Variants in FAM107B observed in about 807,000 individuals in gnomAD.
FAM107B encodes the protein protein FAM107B.
Under a neutral mutation model 31.5 loss-of-function variants are expected in FAM107B, and 21 were observed. That is an observed-to-expected ratio of 0.67 (90% CI 0.47 to 0.96). The LOEUF (loss-of-function observed/expected upper bound fraction) is 0.96. Ranked by LOEUF, FAM107B falls within the 40% of genes least tolerant of loss-of-function variation. The pLI is 0.00. For synonymous variants in FAM107B, 157 were observed against 141.5 expected, an observed-to-expected ratio of 1.11 and a Z score of -0.78; for missense variants, 452 against 377.1, an observed-to-expected ratio of 1.20 and a Z score of -1.64.
intron 2 of FAM107B, among the ~76,000 whole-genome samples, chr10:14,654,479 TTA>T (rs1204337321): frequency 6.6e-6 from 1 of 152,224 alleles, no homozygotes; most frequent in Non-Finnish European, 1.5e-5. Flanking sequence ...TTGCGTTTTA[TTA>T]TCTCTTGCTC....
At chr10:14,566,446 G>A (rs1333254712) in intron 2 of FAM107B, among the ~76,000 whole-genome samples, 1 of 152,144 alleles carries the variant, frequency 6.6e-6, no homozygotes, top group Admixed American at 6.5e-5. Context: ...ACAACTGCAG[G>A]GAAATGAATT....
chr10:14,625,698 T>C (rs558112115), intron 2 of FAM107B, among the ~76,000 whole-genome samples: 3 of 152,044 alleles, frequency 2.0e-5, no homozygotes, highest in Non-Finnish European at 4.4e-5. Flanking sequence ...GTCATTTTTA[T>C]GGTGAAATTC....
At chr10:14,543,691 T>TAAAAAAAAA (rs11318873) in intron 2 of FAM107B, among the ~76,000 whole-genome samples, 1 of 138,856 alleles carries the variant, frequency 7.2e-6, no homozygotes, top group Non-Finnish European at 1.5e-5. Context: ...CTAAAAACTT[T>TAAAAAAAAA]AAAAAAAAAA....
At chr10:14,548,549 C>G (rs1385714541) in intron 2 of FAM107B, 1 of 985,348 alleles carries the variant, frequency 1.0e-6, no homozygotes, top group African/African-American at 1.7e-5. Context: ...AACCTGGGCT[C>G]TTCTCCTAGC....
intron 2 of FAM107B, among the ~76,000 whole-genome samples, chr10:14,566,493 C>T (rs925740611): frequency 6.6e-6 from 1 of 152,154 alleles, no homozygotes; most frequent in African/African-American, 2.4e-5. Context: ...AACACTCTTC[C>T]TCAGTCGAGC....
At chr10:14,713,311 C>T (rs1417027839) in intron 1 of FAM107B, among the ~76,000 whole-genome samples, 1 of 152,118 alleles carries the variant, frequency 6.6e-6, no homozygotes, top group Non-Finnish European at 1.5e-5. Flanking sequence ...ACATAGAAAA[C>T]ATTCTGAAAA....
At chr10:14,544,073 C>T (rs946577662) in intron 2 of FAM107B, among the ~76,000 whole-genome samples, 15 of 152,068 alleles carry the variant, frequency 9.9e-5, no homozygotes, top group African/African-American at 3.6e-4. Context: ...CCAGGCACCC[C>T]GAGGAGAGAC....
chr10:14,651,874 C>G (rs1378374848), intron 2 of FAM107B, among the ~76,000 whole-genome samples: 1 of 151,960 alleles, frequency 6.6e-6, no homozygotes, highest in Admixed American at 6.6e-5. Flanking sequence ...ATAACCCAAA[C>G]CAGAGTGTGA....
intron 2 of FAM107B, among the ~76,000 whole-genome samples, chr10:14,548,063 A>G (rs1453132545): frequency 6.6e-6 from 1 of 152,184 alleles, no homozygotes; most frequent in African/African-American, 2.4e-5. Flanking sequence ...CGCAGGGAGG[A>G]CACCAAAAAC....
At chr10:14,665,788 C>T (rs1281751860) in intron 2 of FAM107B, among the ~76,000 whole-genome samples, 1 of 152,208 alleles carries the variant, frequency 6.6e-6, no homozygotes, top group Non-Finnish European at 1.5e-5. Flanking sequence ...CTTCCCAGTG[C>T]AAATTGAATT....
chr10:14,600,461 G>A (rs1198535934), intron 2 of FAM107B, among the ~76,000 whole-genome samples: 2 of 151,980 alleles, frequency 1.3e-5, no homozygotes, highest in Non-Finnish European at 2.9e-5. Context: ...CAGCTCCATG[G>A]CCCGCCGCAC....
intron 1 of FAM107B, among the ~76,000 whole-genome samples, chr10:14,705,023 C>CA (rs57922026): frequency 0.048 from 4,234 of 87,872 alleles, 291 homozygotes; most frequent in African/African-American, 0.1. Context: ...GACCCTGTCA[C>CA]AAAAAAAAAA....
At chr10:14,657,904 A>G (rs939071895) in intron 2 of FAM107B, among the ~76,000 whole-genome samples, 1 of 151,706 alleles carries the variant, frequency 6.6e-6, no homozygotes, top group Non-Finnish European at 1.5e-5. Context: ...TTGGCAGCCC[A>G]GACTCAAGAG....
At chr10:14,581,510 T>C (rs1057390554) in intron 2 of FAM107B, among the ~76,000 whole-genome samples, 2 of 152,186 alleles carry the variant, frequency 1.3e-5, no homozygotes, top group Admixed American at 6.5e-5. Context: ...TTCAGAGCCA[T>C]CCCTGCCACA....
intron 2 of FAM107B, chr10:14,604,401 C>A (rs1163819658): frequency 8.4e-6 from 2 of 238,770 alleles, no homozygotes; most frequent in Middle Eastern, 2.1e-3. Context: ...GGGCGGCTCT[C>A]GCTCCCCGCG....
intron 2 of FAM107B, among the ~76,000 whole-genome samples, chr10:14,665,539 C>G (rs1033233412): frequency 3.9e-5 from 6 of 152,172 alleles, no homozygotes; most frequent in African/African-American, 1.4e-4. Flanking sequence ...AAATTCAAAG[C>G]CTTTGAGTTG....
Position 14,722,930 on chromosome 10 carries a change from A to C in FAM107B, c.411+51323T>G, listed in dbSNP as rs77302710. Among the ~76,000 whole-genome samples, 524 of 152,150 alleles carry C rather than the reference A, an allele frequency of 3.4e-3. 12 individuals are homozygous for C. The East Asian group carries it at 0.046, about 13-fold the overall frequency. On this transcript the variant is annotated intron_variant, in intron 1 of 4. Transcript: ENST00000181796. ...AGACTTACTCCTATGTTTTCTTCTA[A>C]GATTGTATTGTCTTAGCTCTCATAT...
chr10:14,700,884 G>T (rs948454248), intron 1 of FAM107B, among the ~76,000 whole-genome samples: 1 of 141,336 alleles, frequency 7.1e-6, no homozygotes, highest in East Asian at 2.1e-4. Context: ...GTAGAGCTAT[G>T]CTCACTTATA....
Position 14,628,112 on chromosome 10 carries a change from G to GTTTTTTTTTGTTTTTTTTTTTTT in FAM107B, c.469+39521_469+39522insAAAAAAAAAAAAACAAAAAAAAA, listed in dbSNP as rs58879328. Among the ~76,000 whole-genome samples the GTTTTTTTTTGTTTTTTTTTTTTT allele has an allele frequency of 1.2e-3, 113 of 92,666 alleles. 9 individuals are homozygous for GTTTTTTTTTGTTTTTTTTTTTTT. The highest frequency in any genetic ancestry group is 0.013 in the Middle Eastern group (2 of 154). The allele number at this position is 92,666 out of a possible 152,430, so 60.8% of individuals were successfully genotyped here. A position where few individuals can be genotyped will look rare whatever the true frequency, so the allele number is the denominator to read the frequency against. On this transcript the variant is annotated intron_variant, in intron 2 of 4. Coordinates refer to ENST00000181796, the MANE Select transcript of FAM107B (RefSeq NM_031453.4). Reference sequence around the variant, plus strand: ...TCCTTGTTTGTTTTTTGTTTTGCTGGTTTTTTTTTTTTTTTTTTTTTGAGA... The same window carrying GTTTTTTTTTGTTTTTTTTTTTTT: ...TCCTTGTTTGTTTTTTGTTTTGCTGGTTTTTTTTTGTTTTTTTTTTTTTTTTTTTTTTTTTTTTTTTTTTGAGA...
Sources: gnomAD v4.1 joint callset for allele counts (sites outside exome capture counted in the v4.1 genomes callset) on GRCh38, gnomAD v4.1.1 for gene constraint, MANE v1.5 for transcripts, NCBI Gene and HGNC (gene_info 2026-07-23, HGNC 2026-07-21) for gene names.